STOML2: variants seen among roughly 807,000 people sequenced by gnomAD.
The protein encoded by STOML2 is stomatin like 2.
Under a neutral mutation model 45.7 loss-of-function variants are expected in STOML2, and 22 were observed. That is an observed-to-expected ratio of 0.48 (90% CI 0.34 to 0.69). The LOEUF (loss-of-function observed/expected upper bound fraction) is 0.69, where lower values mean the gene tolerates loss of function less well. Among genes scored for constraint, STOML2 ranks in the 30% least tolerant of loss-of-function variants. STOML2 has a pLI of 0.01. For missense variants in STOML2, 359 were observed against 466.9 expected, an observed-to-expected ratio of 0.77 and a Z score of 2.13; for synonymous variants, 181 against 182.7, an observed-to-expected ratio of 0.99 and a Z score of 0.08.
Position 35,102,015 on chromosome 9 carries a change from G to A in STOML2, c.284-53C>T. On this transcript the variant is annotated intron_variant, in intron 3 of 9. Coordinates refer to ENST00000356493, the MANE Select transcript of STOML2 (RefSeq NM_013442.3). The surrounding 1 kb of genome is among the most constrained non-coding windows in gnomAD (Gnocchi z 4.8). Reference sequence around the variant, plus strand: ...AAGTCAGGCCTCTAGGTCCCAACCAGTTCTTTCTACTAAGCTCTGGATCTA... The same window carrying A: ...AAGTCAGGCCTCTAGGTCCCAACCAATTCTTTCTACTAAGCTCTGGATCTA... The A allele has an allele frequency of 6.2e-7, 1 of 1,613,248 alleles. No individual in the cohort carries two copies. The highest frequency in any genetic ancestry group is 8.5e-7 in the Non-Finnish European group (1 of 1,179,270).
Position 35,101,383 on chromosome 9 carries a change from G to A in STOML2, c.579+43C>T, listed in dbSNP as rs1435305417. On this transcript the variant is annotated intron_variant, in intron 6 of 9. Coordinates refer to ENST00000356493, the MANE Select transcript of STOML2 (RefSeq NM_013442.3). This position sits in a 1 kb window ranked among gnomAD's most constrained non-coding sequence, Gnocchi z 4.3. ...GGGAAGTCTGGATCCTCCTGGTACT[G>A]GAGCACCCTGAGGCCCTTTTCCCAC... 3.3e-6 allele frequency: 5 copies of A among 1,527,032 alleles called. No homozygotes were observed. In the Admixed American group the frequency reaches 5.9e-5, roughly 18 times the overall value. 94.6% of individuals were successfully genotyped at this position (1,527,032 alleles called of 1,614,324 possible). A position where few individuals can be genotyped will look rare whatever the true frequency, so the allele number is the denominator to read the frequency against.
chr9:35,100,871 A>G (rs771448757), intron 8 of STOML2, 61 bp downstream of exon 8: 1 of 1,612,940 alleles, frequency 6.2e-7, no homozygotes, highest in East Asian at 2.2e-5. Flanking sequence ...CCTCAAGCGT[A>G]GATAAGAGAA....
In STOML2 at chr9:35,100,858, T is replaced by A. The variant is rs1414806863; in HGVS notation, c.804+74A>T. 3.7e-6 allele frequency: 6 copies of A among 1,612,172 alleles called. No individual in the cohort carries two copies. In the African/African-American group the frequency reaches 5.3e-5, roughly 14 times the overall value. On this transcript the variant is annotated intron_variant, in intron 8 of 9. Coordinates refer to ENST00000356493, the MANE Select transcript of STOML2 (RefSeq NM_013442.3). ...TCAACAGAGCCCACAGAGGCGGAAC[T>A]CTCCTCAAGCGTAGATAAGAGAACC... is the stretch of plus-strand genomic sequence containing the variant.
At position 35,101,984 on chromosome 9, in the gene STOML2, C is replaced by T. The variant is rs770358893; in HGVS notation, c.284-22G>A. The stretch of plus-strand genomic sequence containing the variant: ...TTGTCTGTAGAACCAGGAGAGAAAA[C>T]GGGGAAAGTCAGGCCTCTAGGTCCC... On this transcript the variant is annotated intron_variant, in intron 3 of 9. Transcript: ENST00000356493. This position sits in a 1 kb window ranked among gnomAD's most constrained non-coding sequence, Gnocchi z 4.3. 13 of 1,614,006 alleles carry T rather than the reference C, an allele frequency of 8.1e-6. No individual in the cohort carries two copies. Among genetic ancestry groups the T allele is most frequent in the South Asian group, 3.3e-5 (3 of 91,072 alleles).
rs746178963 is a variant in STOML2, at chr9:35,101,154, T to C, written c.705A>G (p.Glu235=). 6 of 1,614,100 alleles carry C rather than the reference T, an allele frequency of 3.7e-6. No homozygotes were observed. In the East Asian group the frequency reaches 8.9e-5, roughly 24 times the overall value. The part of the protein sequence containing the change: ...QILASEAEKA[E]QINQAAGEAS... The stretch of plus-strand genomic sequence containing the variant: ...CCTGACCTGCTGCCTGATTTATCTG[T>C]TCAGCCTTTTCTGCTTCGGAGGCCA... The change falls in exon 7 of 10, where the codon GAA becomes GAG. Residue 235 remains glutamate, a synonymous_variant. Coordinates refer to ENST00000356493, the MANE Select transcript of STOML2 (RefSeq NM_013442.3). This position sits in a 1 kb window ranked among gnomAD's most constrained non-coding sequence, Gnocchi z 4.3.
chr9:35,101,175 G>A lies in STOML2; in HGVS notation c.684C>T (p.Ala228=). ...TCTGTTCAGCCTTTTCTGCTTCGGA[G>A]GCCAGGATCTGGGCCTGTTTCTTCC... ...AEGKKQAQIL[A]SEAEKAEQIN... Residue 228 remains alanine (A), a synonymous_variant, in exon 7 of 10, where the codon GCC becomes GCT. Transcript: ENST00000356493. The surrounding 1 kb of genome is among the most constrained non-coding windows in gnomAD (Gnocchi z 4.3). 1 of 1,614,230 alleles carries A rather than the reference G, an allele frequency of 6.2e-7. No homozygotes were observed.
Position 35,101,937 on chromosome 9 carries a change from T to A in STOML2, c.309A>T (p.Gly103=), listed in dbSNP as rs1308142383. ...GGTCCATGATGCGCAGGTAAAGGAC[T>A]CCATCGATTTGCAGAGTTACATTGT... The part of the protein sequence containing the change: ...TLDNVTLQID[G]VLYLRIMDPY... Residue 103 remains glycine (G), a synonymous_variant, in exon 4 of 10, where the codon GGA becomes GGT. Coordinates refer to ENST00000356493, the MANE Select transcript of STOML2 (RefSeq NM_013442.3). The surrounding 1 kb of genome is among the most constrained non-coding windows in gnomAD (Gnocchi z 4.3). The A allele has an allele frequency of 2.5e-6, 4 of 1,613,976 alleles. No homozygotes were observed. In the African/African-American group the frequency reaches 5.3e-5, roughly 22 times the overall value.
At position 35,101,871 on chromosome 9, in the gene STOML2, CT is replaced by C. The variant is rs1829825604; in HGVS notation, c.342+32del. On this transcript the variant is annotated intron_variant, in intron 4 of 9. Coordinates refer to ENST00000356493, the MANE Select transcript of STOML2 (RefSeq NM_013442.3). This position sits in a 1 kb window ranked among gnomAD's most constrained non-coding sequence, Gnocchi z 4.3. Reference sequence around the variant, plus strand: ...CACAAGATTTTAGTGAAGAGGGCAACTCAAAAGGCTGGATAAAGTAGGGGAC... The same window carrying C: ...CACAAGATTTTAGTGAAGAGGGCAACCAAAAGGCTGGATAAAGTAGGGGAC... The C allele has an allele frequency of 6.2e-7, 1 of 1,614,042 alleles. No individual in the cohort carries two copies. Among genetic ancestry groups the C allele is most frequent in the African/African-American group, 1.3e-5 (1 of 74,978 alleles).
At position 35,101,664 on chromosome 9, in the gene STOML2, T is replaced by A. The variant is rs1400939806; in HGVS notation, c.444+46A>T. On this transcript the variant is annotated intron_variant, in intron 5 of 9. Coordinates refer to ENST00000356493, the MANE Select transcript of STOML2 (RefSeq NM_013442.3). This position sits in a 1 kb window ranked among gnomAD's most constrained non-coding sequence, Gnocchi z 4.3. ...TGACCTTCAGAAAAGATTAAGAGTG[T>A]CAGGTTTGTGTCTTCAAACCCTAAC... The A allele has an allele frequency of 6.2e-7, 1 of 1,613,848 alleles. No individual in the cohort carries two copies. The highest frequency in any genetic ancestry group is 1.1e-5 in the South Asian group (1 of 91,058).
chr9:35,102,951 G>A lies in STOML2; in HGVS notation c.45+99C>T, dbSNP rs1398710360. On this transcript the variant is annotated intron_variant, in intron 1 of 9. Transcript: ENST00000356493. The surrounding 1 kb of genome is among the most constrained non-coding windows in gnomAD (Gnocchi z 4.8). ...GAATCACATGGGGACCATGACCTCTGACCCCAGTCCTCTCCAAAAGTTGGA... is the reference window on the plus strand; with the variant it reads ...GAATCACATGGGGACCATGACCTCTAACCCCAGTCCTCTCCAAAAGTTGGA... The A allele has an allele frequency of 1.9e-6, 3 of 1,586,388 alleles. No individual in the cohort carries two copies. The highest frequency in any genetic ancestry group is 1.3e-5 in the African/African-American group (1 of 74,116).
At position 35,102,118 on chromosome 9, in the gene STOML2, G is replaced by A; in HGVS notation, c.260C>T (p.Pro87Leu). Residue 87 changes from proline (P) to leucine (L), a missense_variant, in exon 3 of 10, where the codon CCT (proline) becomes CTT (leucine). Physicochemically the swap from Pro to Leu is moderately conservative, Grantham distance 98. Transcript: ENST00000356493. This position sits in a 1 kb window ranked among gnomAD's most constrained non-coding sequence, Gnocchi z 4.8. ...QSLKEIVINV[P>L]EQSAVTLDNV... ...ACCGAGAGTCACAGCCGACTGCTCA[G>A]GCACGTTGATGACAATTTCCTTGAG... 7 of 1,613,970 alleles carry A rather than the reference G, an allele frequency of 4.3e-6. No individual in the cohort carries two copies. Among genetic ancestry groups the A allele is most frequent in the Non-Finnish European group, 5.9e-6 (7 of 1,180,002 alleles).
chr9:35,100,451 G>C, intron 9 of STOML2, 147 bp downstream of exon 9: 6 of 1,145,406 alleles, frequency 5.2e-6, no homozygotes, highest in Non-Finnish European at 7.5e-6. Context: ...TTCATTCTTA[G>C]ATTCCATCTC....
chr9:35,103,127 G>C lies in STOML2; in HGVS notation c.-33C>G, dbSNP rs1412930413. On this transcript the variant is annotated 5_prime_UTR_variant, in exon 1 of 10. Coordinates refer to ENST00000356493, the MANE Select transcript of STOML2 (RefSeq NM_013442.3). ...CGCCGCAGCGACCTCCGGAACCAAC[G>C]AGACGAGCGGAGCGGTCGCTCCCAG... 1.2e-5 allele frequency: 19 copies of C among 1,610,168 alleles called. No individual in the cohort carries two copies. The highest frequency in any genetic ancestry group is 1.4e-5 in the Non-Finnish European group (17 of 1,179,376).
chr9:35,102,903 C>A lies in STOML2; in HGVS notation c.46-80G>T. The A allele has an allele frequency of 6.3e-7, 1 of 1,580,398 alleles. No homozygotes were observed. The highest frequency in any genetic ancestry group is 8.6e-7 in the Non-Finnish European group (1 of 1,161,016). On this transcript the variant is annotated intron_variant, in intron 1 of 9. Transcript: ENST00000356493. This position sits in a 1 kb window ranked among gnomAD's most constrained non-coding sequence, Gnocchi z 4.8. ...TCGGTCCTGAAGGCATCTCCATAAA[C>A]CACGACCCTCAGGATCCTCGGAGAA...
In STOML2 at chr9:35,101,893, G is replaced by T. The variant is rs752414148; in HGVS notation, c.342+11C>A. ...CAACTCAAAAGGCTGGATAAAGTAG[G>T]GGACAGGTACCTTGTAAGGGTCCAT... On this transcript the variant is annotated intron_variant, in intron 4 of 9. Transcript: ENST00000356493. This position sits in a 1 kb window ranked among gnomAD's most constrained non-coding sequence, Gnocchi z 4.3. 3 of 1,614,142 alleles carry T rather than the reference G, an allele frequency of 1.9e-6. No individual in the cohort carries two copies. The highest frequency in any genetic ancestry group is 1.7e-5 in the Admixed American group (1 of 60,002).
At chr9:35,100,800 C>T in intron 8 of STOML2, 74 bp from the exon 9 acceptor site, 1 of 1,612,556 alleles carries the variant, frequency 6.2e-7, no homozygotes, top group East Asian at 2.2e-5. Flanking sequence ...ATGAAGAAAG[C>T]AGTTCACAAT....
At position 35,101,331 on chromosome 9, in the gene STOML2, C is replaced by T; in HGVS notation, c.580-52G>A. 1 of 1,613,656 alleles carries T rather than the reference C, an allele frequency of 6.2e-7. No individual in the cohort carries two copies. The highest frequency in any genetic ancestry group is 8.5e-7 in the Non-Finnish European group (1 of 1,179,548). ...ACAAGCCAAGGGAGACTGATACAGA[C>T]ATGCAACTCTACCCATCATAACAGG... On this transcript the variant is annotated intron_variant, in intron 6 of 9. Transcript: ENST00000356493. This position sits in a 1 kb window ranked among gnomAD's most constrained non-coding sequence, Gnocchi z 4.3.
rs773757788 is a variant in STOML2 at position 35,102,161 on chromosome 9, T to C, written c.217A>G (p.Ile73Val). The C allele has an allele frequency of 6.2e-7, 1 of 1,613,456 alleles. No homozygotes were observed. The highest frequency in any genetic ancestry group is 8.5e-7 in the Non-Finnish European group (1 of 1,179,944). The change falls in exon 3 of 10, where the codon ATC becomes GTC. Residue 73 changes from isoleucine (I) to valine (V), a missense_variant. This residue lies in a region of STOML2 where 285 missense variants were observed against 422.0 expected (regional missense o/e 0.68). Transcript: ENST00000356493. This position sits in a 1 kb window ranked among gnomAD's most constrained non-coding sequence, Gnocchi z 4.8. The part of the protein sequence containing the change: ...LNILIPVLDR[I>V]RYVQSLKEIV... Reference sequence around the variant, plus strand: ...TCCTTGAGACTCTGCACATATCGGATCCGGTCTAACACAGGGATGAGGATG... The same window carrying C: ...TCCTTGAGACTCTGCACATATCGGACCCGGTCTAACACAGGGATGAGGATG...
At position 35,100,187 on chromosome 9, in the gene STOML2, A is replaced by G; in HGVS notation, c.934-15T>C. On this transcript the variant is annotated splice_polypyrimidine_tract_variant and intron_variant, in intron 9 of 9. Transcript: ENST00000356493. ...ACACCCATGGCCTGAGGAGAGGAAC[A>G]GAGAGAATACCATGAGGACACTTGA... 1 of 1,613,624 alleles carries G rather than the reference A, an allele frequency of 6.2e-7. No homozygotes were observed. Among genetic ancestry groups the G allele is most frequent in the Non-Finnish European group, 8.5e-7 (1 of 1,179,742 alleles).
Sources: gnomAD v4.1 joint callset for allele counts on GRCh38, gnomAD v4.1.1 for gene constraint, gnomAD v4.1.1 regional missense constraint, Gnocchi (gnomAD v3.1) non-coding constraint, MANE v1.5 for transcripts, NCBI Gene and HGNC (gene_info 2026-07-23, HGNC 2026-07-21) for gene names.